Variants in RTN4 observed in about 807,000 individuals in gnomAD.
RTN4 encodes the protein reticulon-4.
Under a neutral mutation model 90.4 loss-of-function variants are expected in RTN4, and 32 were observed. The ratio of observed to expected loss-of-function variants is 0.35; its 90% CI spans 0.27 to 0.48. The LOEUF is 0.48. RTN4 is among the 20% of genes least tolerant of loss of function. The pLI, the probability that RTN4 is intolerant of heterozygous loss-of-function variation, is 0.99. For synonymous variants in RTN4, 629 were observed against 552.5 expected (o/e 1.14, Z -1.94); for missense variants, 1,706 against 1,430.2 (o/e 1.19, Z -3.11).
At chr2:55,082,648 T>TA (rs1668743129) in intron 1 of RTN4, among the ~76,000 whole-genome samples, 1 of 152,258 alleles carries the variant, frequency 6.6e-6, no homozygotes, top group African/African-American at 2.4e-5. Context: ...CTATGCATCA[T>TA]AAACCATGGT....
intron 3 of RTN4, among the ~76,000 whole-genome samples, chr2:55,024,094 TC>T (rs1430044217): frequency 1.3e-5 from 2 of 152,172 alleles, no homozygotes; most frequent in African/African-American, 4.8e-5. Flanking sequence ...ATTTGTATCT[TC>T]CCTCTTAAAC....
intron 1 of RTN4, among the ~76,000 whole-genome samples, chr2:55,105,158 A>G (rs1035323863): frequency 6.7e-6 from 1 of 149,124 alleles, no homozygotes; most frequent in Non-Finnish European, 1.5e-5. Context: ...ACTTTTTCAC[A>G]TTTTTAGGCC....
chr2:55,123,903 A>T, the RTN4 span, among the ~76,000 whole-genome samples: 1 of 152,090 alleles, frequency 6.6e-6, no homozygotes, highest in East Asian at 1.9e-4. Context: ...CTATTCAGTC[A>T]CCACCTCCCT....
chr2:55,085,599 A>G (rs1668822537), intron 1 of RTN4, among the ~76,000 whole-genome samples: 1 of 152,218 alleles, frequency 6.6e-6, no homozygotes, highest in South Asian at 2.1e-4. Context: ...CTCATCTTAA[A>G]AGTACCTCAC....
chr2:55,090,424 G>T, intron 1 of RTN4, among the ~76,000 whole-genome samples: 1 of 152,222 alleles, frequency 6.6e-6, no homozygotes, highest in Non-Finnish European at 1.5e-5. Context: ...GACTGCGTAT[G>T]GACATAGAGA....
At chr2:54,973,991 A>T in intron 6 of RTN4, 124 bp from the exon 7 acceptor site, 1 of 790,768 alleles carries the variant, frequency 1.3e-6, no homozygotes, top group Non-Finnish European at 2.0e-6. Context: ...ATGAATAAAA[A>T]CATAAGGATC....
At chr2:54,983,710 A>G (rs999235919) in intron 4 of RTN4, among the ~76,000 whole-genome samples, 1 of 152,222 alleles carries the variant, frequency 6.6e-6, no homozygotes, top group Non-Finnish European at 1.5e-5. Context: ...GCCTGCATCC[A>G]AATCCATTCC....
intron 1 of RTN4, among the ~76,000 whole-genome samples, chr2:55,029,873 A>G (rs1024173138): frequency 2.6e-5 from 4 of 152,208 alleles, no homozygotes; most frequent in African/African-American, 9.7e-5. Flanking sequence ...TATTTAAAAG[A>G]TTACTTGCTA....
chr2:54,974,854 C>T (rs1184261222), intron 5 of RTN4, 90 bp from the exon 6 acceptor site: 4 of 1,029,430 alleles, frequency 3.9e-6, no homozygotes, highest in South Asian at 2.7e-5. Context: ...TAAATGCCTA[C>T]CTACAAAAGG....
chr2:55,127,387 G>C, the RTN4 span, among the ~76,000 whole-genome samples: 31,741 of 152,094 alleles, frequency 0.21, 3,645 homozygotes, highest in Admixed American at 0.26. Context: ...CTCTGGTCCT[G>C]AACACTGGTT....
At chr2:55,108,431 C>T (rs753600001) in intron 1 of RTN4, among the ~76,000 whole-genome samples, 14 of 151,968 alleles carry the variant, frequency 9.2e-5, no homozygotes, top group Admixed American at 2.0e-4. Context: ...GCTCCAGCAT[C>T]GGGGATGGGC....
chr2:55,098,703 A>T (rs575212635), intron 1 of RTN4, among the ~76,000 whole-genome samples: 1 of 152,222 alleles, frequency 6.6e-6, no homozygotes, highest in African/African-American at 2.4e-5. Context: ...TAAGGTCCAC[A>T]TGTTGCAATT....
chr2:54,978,294 G>A (rs1320320392), intron 5 of RTN4, among the ~76,000 whole-genome samples: 1 of 152,052 alleles, frequency 6.6e-6, no homozygotes, highest in Non-Finnish European at 1.5e-5. Flanking sequence ...GCTGGGCGTG[G>A]TGGCGGACAC....
chr2:55,029,043 G>C (rs1333220466), intron 1 of RTN4, among the ~76,000 whole-genome samples: 1 of 152,162 alleles, frequency 6.6e-6, no homozygotes, highest in Non-Finnish European at 1.5e-5. Flanking sequence ...AGGTGATTAG[G>C]GTTAAATGCA....
At chr2:55,036,803 A>T (rs1682722661) in intron 1 of RTN4, among the ~76,000 whole-genome samples, 1 of 152,102 alleles carries the variant, frequency 6.6e-6, no homozygotes, top group Non-Finnish European at 1.5e-5. Context: ...AGCTTTCTCA[A>T]CCTAAGAGTC....
upstream of RTN4, among the ~76,000 whole-genome samples, chr2:55,114,514 C>T (rs1668090747): frequency 6.6e-6 from 1 of 152,150 alleles, no homozygotes; most frequent in Non-Finnish European, 1.5e-5. Flanking sequence ...GCCTGGCTGA[C>T]ATGGTGAAAC....
At chr2:54,976,016 T>G (rs931252335) in intron 5 of RTN4, among the ~76,000 whole-genome samples, 1 of 152,250 alleles carries the variant, frequency 6.6e-6, no homozygotes, top group Non-Finnish European at 1.5e-5. Flanking sequence ...CACAGTTTTA[T>G]AGACTCCTAT....
intron 1 of RTN4, among the ~76,000 whole-genome samples, chr2:55,046,073 C>T (rs1683403030): frequency 1.3e-5 from 2 of 152,138 alleles, no homozygotes; most frequent in Non-Finnish European, 2.9e-5. Flanking sequence ...AGATGAAAAT[C>T]AGGGCTTACT....
intron 3 of RTN4, among the ~76,000 whole-genome samples, chr2:55,012,141 A>G (rs1680689143): frequency 6.6e-6 from 1 of 152,242 alleles, no homozygotes; most frequent in South Asian, 2.1e-4. Context: ...CTAGTAGAAG[A>G]AAAAAGTTTT....
Sources: allele counts gnomAD v4.1 joint callset (sites outside exome capture counted in the v4.1 genomes callset), GRCh38; gene constraint gnomAD v4.1.1; transcripts MANE v1.5; gene names NCBI Gene and HGNC (gene_info 2026-07-23, HGNC 2026-07-21).